The following NRG1 variants were observed in gnomAD, a reference collection of about 807,000 sequenced individuals.
The protein encoded by NRG1 is neuregulin 1.
In NRG1, 18 loss-of-function variants were observed where a neutral mutation model predicts 63.8. The ratio of observed to expected loss-of-function variants is 0.28; its 90% CI spans 0.19 to 0.42. The LOEUF (loss-of-function observed/expected upper bound fraction) is 0.42. NRG1 is among the 10% of genes least tolerant of loss of function. The probability of loss-of-function intolerance (pLI) is 1.00; values close to 1 mark genes in which losing one functional copy is unlikely to be tolerated. For missense variants in NRG1, 762 were observed against 814.7 expected (o/e 0.94, Z 0.79); for synonymous variants, 302 against 301.3 (o/e 1.00, Z -0.02).
chr8:32,340,759 C>A (rs1231636218), intron 1 of NRG1, among the ~76,000 whole-genome samples: 1 of 152,168 alleles, frequency 6.6e-6, no homozygotes, highest in African/African-American at 2.4e-5. Flanking sequence ...CTAACTCAAC[C>A]CCTTAAGCCC....
intron 10 of NRG1, 60 bp from the exon 11 acceptor site, chr8:32,760,140 A>G: frequency 6.3e-7 from 1 of 1,592,418 alleles, no homozygotes. Flanking sequence ...TTTCATTTCC[A>G]TTTTTTTGCA....
chr8:31,886,035 T>A (rs1390985042), intron 1 of NRG1, among the ~76,000 whole-genome samples: 1 of 152,148 alleles, frequency 6.6e-6, no homozygotes, highest in African/African-American at 2.4e-5. Context: ...TGATTTTTTC[T>A]CAGGATATGA....
intron 1 of NRG1, among the ~76,000 whole-genome samples, chr8:31,745,858 T>TA (rs1193685749): frequency 6.6e-6 from 1 of 151,858 alleles, no homozygotes; most frequent in Non-Finnish European, 1.5e-5. Flanking sequence ...AGAGGAATAG[T>TA]AAAATGTCAT....
At chr8:32,210,629 T>TA (rs1281773744) in intron 1 of NRG1, among the ~76,000 whole-genome samples, 8 of 152,180 alleles carry the variant, frequency 5.3e-5, no homozygotes, top group Admixed American at 5.2e-4. Context: ...ACTTCATCAC[T>TA]AAAAAAGCCA....
rs573762986 is a variant in NRG1 at position 32,326,939 on chromosome 8, T to TC, written c.38-268888dup. Among the ~76,000 whole-genome samples, 161 of 152,302 alleles carry TC rather than the reference T, an allele frequency of 1.1e-3. 1 individual carries two copies. The highest frequency in any genetic ancestry group is 3.7e-3 in the African/African-American group (154 of 41,560). On this transcript the variant is annotated intron_variant, in intron 1 of 10. Transcript: ENST00000519301. ...GGCAATGAGACAAATTCTTGAAATC[T>TC]CAACAACACTAACATGGGCTCAGAT... is the stretch of plus-strand genomic sequence containing the variant.
rs545269552 is a variant in NRG1, at chr8:32,417,736, AG to A, written c.38-178085del. ...TCTAGTCACACGGGGGTGGAGGGGG[AG>A]GGGGGGTGTGTTATAGAAGTAGCTC... On this transcript the variant is annotated intron_variant, in intron 1 of 10. Coordinates refer to the NRG1 transcript ENST00000519301. Among the ~76,000 whole-genome samples the A allele has an allele frequency of 3.4e-4, 36 of 106,074 alleles. No homozygotes were observed. The East Asian group carries it at 8.7e-3, about 26-fold the overall frequency. The allele number at this position is 106,074 out of a possible 152,430, so 69.6% of individuals were successfully genotyped here.
intron 1 of NRG1, among the ~76,000 whole-genome samples, chr8:32,499,757 G>A (rs986546695): frequency 3.9e-5 from 6 of 152,264 alleles, no homozygotes; most frequent in Admixed American, 1.3e-4. Flanking sequence ...TCTCAGTCAC[G>A]TGCATTTCCC....
At chr8:32,382,049 T>G (rs533079756) in intron 1 of NRG1, among the ~76,000 whole-genome samples, 1 of 152,290 alleles carries the variant, frequency 6.6e-6, no homozygotes, top group East Asian at 1.9e-4. Flanking sequence ...GTAATAACAA[T>G]AAATTCACTA....
intron 1 of NRG1, among the ~76,000 whole-genome samples, chr8:31,664,290 G>A (rs960177801): frequency 2.0e-5 from 3 of 152,132 alleles, no homozygotes; most frequent in Non-Finnish European, 2.9e-5. Context: ...TCCCAAATTT[G>A]TTGGACTTCT....
rs71208189 is a variant in NRG1 at position 32,511,399 on chromosome 8, A to AT, written c.38-84429_38-84428insT. On this transcript the variant is annotated intron_variant, in intron 1 of 10. Coordinates refer to the NRG1 transcript ENST00000519301. The stretch of plus-strand genomic sequence containing the variant: ...TATATATATATATATATATATATAT[A>AT]AATAAAATAAATAGGTAAGAGCTGC... 8.8e-4 allele frequency among the ~76,000 whole-genome samples: 127 copies of AT among 143,758 alleles called. 1 individual carries two copies. Among genetic ancestry groups the AT allele is most frequent in the African/African-American group, 2.3e-3 (92 of 39,474 alleles). 94.3% of individuals were successfully genotyped at this position (143,758 alleles called of 152,430 possible).
At chr8:32,366,653 T>TAGTGTGTG (rs752372898) in intron 1 of NRG1, among the ~76,000 whole-genome samples, 4 of 101,974 alleles carry the variant, frequency 3.9e-5, no homozygotes, top group African/African-American at 1.1e-4. Context: ...GTAATATATA[T>TAGTGTGTG]TGTGTGTGTG....
chr8:31,925,146 G>GTATACATATATACGTATA lies in NRG1; in HGVS notation c.37+285727_37+285728insCGTATATATACATATATA, dbSNP rs1563574345. On this transcript the variant is annotated intron_variant, in intron 1 of 10. Coordinates refer to the NRG1 transcript ENST00000519301. ...ATGACATATATATGTGTGTGTGTGT[G>GTATACATATATACGTATA]TATACATATATATGTATACATATAT... Among the ~76,000 whole-genome samples, 6 of 4,036 alleles carry GTATACATATATACGTATA rather than the reference G, an allele frequency of 1.5e-3. No individual in the cohort carries two copies. In the African/African-American group the frequency reaches 0.016, roughly 11 times the overall value. The allele number at this position is 4,036 out of a possible 152,430, so 2.6% of individuals were successfully genotyped here. A position where few individuals can be genotyped will look rare whatever the true frequency, so the allele number is the denominator to read the frequency against.
intron 5 of NRG1, among the ~76,000 whole-genome samples, chr8:32,654,597 C>T (rs555784476): frequency 1.4e-3 from 124 of 87,636 alleles, no homozygotes; most frequent in Non-Finnish European, 2.2e-3. Context: ...CCACTGCATT[C>T]CAGCCAGGGT....
intron 1 of NRG1, among the ~76,000 whole-genome samples, chr8:32,369,620 T>C (rs1313579722): frequency 6.6e-6 from 1 of 152,148 alleles, no homozygotes. Flanking sequence ...TCTGCCCTTG[T>C]TGGAAGGAGG....
Position 31,974,478 on chromosome 8 carries a change from A to G in NRG1, c.37+335047A>G, listed in dbSNP as rs533169966. Among the ~76,000 whole-genome samples the G allele has an allele frequency of 2.6e-5, 4 of 152,214 alleles. No homozygotes were observed. The South Asian group carries it at 6.2e-4, about 24-fold the overall frequency. Reference sequence around the variant, plus strand: ...TTCTTAATGATGTTTTTGTGAATCTATTTGTCAAGAGTACAACTGCCAGAT... The same window carrying G: ...TTCTTAATGATGTTTTTGTGAATCTGTTTGTCAAGAGTACAACTGCCAGAT... On this transcript the variant is annotated intron_variant, in intron 1 of 10. Transcript: ENST00000519301.
At chr8:32,593,028 T>C (rs1303053249) in intron 1 of NRG1, among the ~76,000 whole-genome samples, 1 of 152,158 alleles carries the variant, frequency 6.6e-6, no homozygotes, top group Non-Finnish European at 1.5e-5. Flanking sequence ...GAAAATATAT[T>C]TATTCATCAG....
chr8:31,946,363 C>G (rs1244315497), intron 1 of NRG1, among the ~76,000 whole-genome samples: 1 of 152,108 alleles, frequency 6.6e-6, no homozygotes, highest in Non-Finnish European at 1.5e-5. Context: ...CTCTATGGCT[C>G]TTCTTGGAAA....
chr8:32,174,016 C>A (rs903337481), intron 1 of NRG1, among the ~76,000 whole-genome samples: 2 of 152,138 alleles, frequency 1.3e-5, no homozygotes, highest in African/African-American at 4.8e-5. Flanking sequence ...GGACTCTCCA[C>A]CCCAAATCAA....
At chr8:31,813,516 C>CTTTTCTTTTCTTTTCTTTTTTTTT in intron 1 of NRG1, among the ~76,000 whole-genome samples, 23 of 101,216 alleles carry the variant, frequency 2.3e-4, no homozygotes, top group East Asian at 7.2e-4. Flanking sequence ...CTTTTCTTTT[C>CTTTTCTTTTCTTTTCTTTTTTTTT]TTTTTTTTTT....
Sources: allele counts gnomAD v4.1 joint callset (sites outside exome capture counted in the v4.1 genomes callset), GRCh38; gene constraint gnomAD v4.1.1; transcripts MANE v1.5; gene names NCBI Gene and HGNC (gene_info 2026-07-23, HGNC 2026-07-21).